The following MAMLD1 variants were observed in gnomAD, a reference collection of about 807,000 sequenced individuals.
MAMLD1 encodes mastermind like domain containing 1, also known as mastermind-like domain-containing protein 1.
A neutral mutation model predicts 45.0 loss-of-function variants in MAMLD1; 14 were observed. The ratio of observed to expected loss-of-function variants is 0.31; its 90% CI spans 0.21 to 0.49. The LOEUF (loss-of-function observed/expected upper bound fraction) is 0.49. MAMLD1 is among the 20% of genes least tolerant of loss of function. MAMLD1 has a pLI of 0.99. For missense variants in MAMLD1, 543 were observed against 603.6 expected (o/e 0.90, Z 1.05); for synonymous variants, 254 against 247.8 (o/e 1.02, Z -0.24).
chrX:150,437,653 A>T (rs1557404336), intron 1 of MAMLD1, among the ~76,000 whole-genome samples: 2 of 112,286 alleles, frequency 1.8e-5, no homozygotes, highest in African/African-American at 6.5e-5. Context: ...TTTTGAGATG[A>T]TGTAGATTCA....
At chrX:150,410,274 C>A (rs2034093713) in intron 1 of MAMLD1, among the ~76,000 whole-genome samples, 2 of 112,011 alleles carry the variant, frequency 1.8e-5, no homozygotes, top group Non-Finnish European at 3.8e-5. Flanking sequence ...CTTTATAGGT[C>A]CCTTTGTTCT....
At chrX:150,474,989 A>T (rs2036542274) in intron 5 of MAMLD1, among the ~76,000 whole-genome samples, 2 of 112,125 alleles carry the variant, frequency 1.8e-5, no homozygotes, top group African/African-American at 6.5e-5. Context: ...GGACCGCTGT[A>T]GAAGGACAGA....
chrX:150,444,292 C>A (rs1213889413), intron 1 of MAMLD1, among the ~76,000 whole-genome samples: 1 of 111,750 alleles, frequency 8.9e-6, no homozygotes, highest in Admixed American at 9.5e-5. Flanking sequence ...TGGAGTAGAG[C>A]AGTTATTGTC....
In MAMLD1 at chrX:150,471,033, G is replaced by C. The variant is rs1557406458; in HGVS notation, c.1460G>C (p.Ser487Thr). The C allele has an allele frequency of 8.3e-7, 1 of 1,211,755 alleles. No individual in the cohort carries two copies. Among genetic ancestry groups the C allele is most frequent in the Admixed American group, 2.2e-5 (1 of 46,032 alleles). The change falls in exon 4 of 8, where the codon AGT becomes ACT. Residue 487 changes from serine (S) to threonine (T), a missense_variant. By Grantham distance (58) the Ser-to-Thr change is moderately conservative. Transcript: ENST00000370401. ...CSLIRSLTPT[S>T]NLLSQQQQQQ... ...CTGATCCGAAGCCTCACTCCCACCAGTAATCTTCTAAGCCAGCAACAGCAG... is the reference window on the plus strand; with the variant it reads ...CTGATCCGAAGCCTCACTCCCACCACTAATCTTCTAAGCCAGCAACAGCAG...
At chrX:150,469,655 C>CTCTGTGTGTGTGTGTGTGTG (rs1159384506) in intron 3 of MAMLD1, 90 bp from the exon 4 acceptor site, 1 of 291,308 alleles carries the variant, frequency 3.4e-6, no homozygotes, top group African/African-American at 3.5e-5. Flanking sequence ...CTCTCTCTCT[C>CTCTGTGTGTGTGTGTGTGTG]TGTGTGTGTG....
At chrX:150,375,456 T>C (rs1175359280) in intron 1 of MAMLD1, among the ~76,000 whole-genome samples, 1 of 112,628 alleles carries the variant, frequency 8.9e-6, no homozygotes. Context: ...CCTGTTGCTA[T>C]GCAGTTCCAA....
intron 5 of MAMLD1, among the ~76,000 whole-genome samples, chrX:150,484,316 T>C (rs2036918671): frequency 1.8e-5 from 2 of 112,699 alleles, no homozygotes; most frequent in Non-Finnish European, 3.7e-5. Context: ...TTTTATTCTT[T>C]TGTTTGCTTT....
intron 5 of MAMLD1, among the ~76,000 whole-genome samples, chrX:150,486,844 G>A (rs888942956): frequency 2.7e-5 from 3 of 112,115 alleles, no homozygotes; most frequent in African/African-American, 6.5e-5. Context: ...AGCAGCACAC[G>A]GTGGTCACTG....
chrX:150,414,887 C>A (rs1399607515), intron 1 of MAMLD1, among the ~76,000 whole-genome samples: 1 of 111,536 alleles, frequency 9.0e-6, no homozygotes, highest in Non-Finnish European at 1.9e-5. Flanking sequence ...TTTTGACAAC[C>A]CTTAAGCATG....
At chrX:150,497,960 C>T (rs2037439049) in intron 5 of MAMLD1, among the ~76,000 whole-genome samples, 1 of 111,021 alleles carries the variant, frequency 9.0e-6, no homozygotes, top group Admixed American at 9.5e-5. Flanking sequence ...CTTATCTTTA[C>T]AATGGGATTA....
At chrX:150,401,653 G>C (rs1344105001) in intron 1 of MAMLD1, among the ~76,000 whole-genome samples, 4 of 111,547 alleles carry the variant, frequency 3.6e-5, no homozygotes, top group Non-Finnish European at 7.5e-5. Flanking sequence ...AGACATCACA[G>C]TACCTGACTT....
At chrX:150,501,749 C>T (rs1204653562) in intron 5 of MAMLD1, among the ~76,000 whole-genome samples, 1 of 112,358 alleles carries the variant, frequency 8.9e-6, no homozygotes, top group Non-Finnish European at 1.9e-5. Flanking sequence ...GAGGTCCACA[C>T]CTCCCCTTGG....
At position 150,398,287 on chromosome X, in the gene MAMLD1, G is replaced by GAAGAAGAAC. The variant is rs1569564551; in HGVS notation, c.-64+34765_-64+34766insCAAGAAGAA. ...AGAAGAAGAAGAAGAAGAAGAAGAA[G>GAAGAAGAAC]AAGAAGAAGAAGAAGAAGAAGAAGA... On this transcript the variant is annotated intron_variant, in intron 1 of 7. Transcript: ENST00000370401. 6.7e-4 allele frequency among the ~76,000 whole-genome samples: 54 copies of GAAGAAGAAC among 80,415 alleles called. 1 individual carries two copies. Among genetic ancestry groups the GAAGAAGAAC allele is most frequent in the African/African-American group, 2.5e-3 (52 of 20,499 alleles). 69.8% of individuals were successfully genotyped at this position (80,415 alleles called of 115,157 possible).
At chrX:150,417,903 G>C (rs1472779281) in intron 1 of MAMLD1, among the ~76,000 whole-genome samples, 1 of 111,283 alleles carries the variant, frequency 9.0e-6, no homozygotes, top group Admixed American at 9.6e-5. Flanking sequence ...GTAGATTCTG[G>C]ATATTAGCAC....
At chrX:150,387,457 G>A (rs1303593094) in intron 1 of MAMLD1, among the ~76,000 whole-genome samples, 1 of 111,977 alleles carries the variant, frequency 8.9e-6, no homozygotes, top group Non-Finnish European at 1.9e-5. Context: ...CTGTTATTTT[G>A]ATATTTTTTA....
At position 150,471,108 on chromosome X, in the gene MAMLD1, G is replaced by A. The variant is rs1322586506; in HGVS notation, c.1535G>A (p.Ser512Asn). The part of the protein sequence containing the change: ...QANVIFKPIS[S>N]NSSKTLSMIM... The stretch of plus-strand genomic sequence containing the variant: ...AATGTGATCTTTAAGCCCATAAGCA[G>A]CAACTCATCCAAAACCCTGAGCATG... Residue 512 changes from serine to asparagine, a missense_variant, in exon 4 of 8, where the codon AGC becomes AAC. By Grantham distance (46) the Ser-to-Asn change is conservative (BLOSUM62 1). Transcript: ENST00000370401. 6 of 1,208,618 alleles carry A rather than the reference G, an allele frequency of 5.0e-6. No individual in the cohort carries two copies. Among genetic ancestry groups the A allele is most frequent in the Non-Finnish European group, 5.6e-6 (5 of 894,895 alleles).
At chrX:150,381,430 G>A (rs2032603471) in intron 1 of MAMLD1, among the ~76,000 whole-genome samples, 1 of 111,935 alleles carries the variant, frequency 8.9e-6, no homozygotes, top group South Asian at 3.7e-4. Context: ...AATGTGTAGA[G>A]TCATGTGACC....
chrX:150,432,446 G>T (rs781959264), intron 1 of MAMLD1, among the ~76,000 whole-genome samples: 3 of 111,296 alleles, frequency 2.7e-5, no homozygotes, highest in Admixed American at 9.6e-5. Flanking sequence ...CAATTTTTGG[G>T]TTTTTTTGCA....
chrX:150,470,416 C>T lies in MAMLD1; in HGVS notation c.843C>T (p.Ser281=), dbSNP rs782329782. ...IVSPSSSMAQ[S]KSQVQAMLPV... ...CACCGAGTTCTTCAATGGCACAGTC[C>T]AAGAGCCAGGTCCAGGCCATGCTCC... The change falls in exon 4 of 8, where the codon TCC becomes TCT. Residue 281 remains serine, a synonymous_variant. Coordinates refer to ENST00000370401, the MANE Select transcript of MAMLD1 (RefSeq NM_005491.5). 62 of 1,210,427 alleles carry T rather than the reference C, an allele frequency of 5.1e-5. No individual in the cohort carries two copies. The highest frequency in any genetic ancestry group is 5.7e-5 in the Non-Finnish European group (51 of 895,315).
Sources: allele counts gnomAD v4.1 joint callset (sites outside exome capture counted in the v4.1 genomes callset), GRCh38; gene constraint gnomAD v4.1.1; transcripts MANE v1.5; gene names NCBI Gene and HGNC (gene_info 2026-07-23, HGNC 2026-07-21).